C2CD5: variants seen among roughly 807,000 people sequenced by gnomAD.
The protein encoded by C2CD5 is C2 domain-containing protein 5.
In C2CD5, 109 loss-of-function variants were observed where a neutral mutation model predicts 130.3. The ratio of observed to expected loss-of-function variants is 0.84; its 90% confidence interval spans 0.72 to 0.98. The LOEUF (loss-of-function observed/expected upper bound fraction) is 0.98. Among genes scored for constraint, C2CD5 ranks in the 50% least tolerant of loss-of-function variants. The pLI, the probability that C2CD5 is intolerant of heterozygous loss-of-function variation, is 0.00. For missense variants in C2CD5, 996 were observed against 1,261.8 expected, an observed-to-expected ratio of 0.79 and a Z score of 3.19; for synonymous variants, 454 against 429.2, an observed-to-expected ratio of 1.06 and a Z score of -0.71.
At chr12:22,462,989 C>A (rs913389657) in intron 22 of C2CD5, among the ~76,000 whole-genome samples, 1 of 151,736 alleles carries the variant, frequency 6.6e-6, no homozygotes, top group Non-Finnish European at 1.5e-5. Flanking sequence ...GAGGCTGAGG[C>A]GGGAGGATCG....
chr12:22,543,997 G>T, intron 2 of C2CD5, 64 bp downstream of exon 2: 1 of 1,244,322 alleles, frequency 8.0e-7, no homozygotes, highest in South Asian at 1.2e-5. Flanking sequence ...TGGGGGCGAG[G>T]TGGGTAGATC....
intron 7 of C2CD5, among the ~76,000 whole-genome samples, chr12:22,520,106 T>G (rs770501683): frequency 2.0e-5 from 3 of 152,134 alleles, no homozygotes; most frequent in East Asian, 1.9e-4. Context: ...AAGGATTACA[T>G]TGAATGTTGT....
chr12:22,478,029 T>TCACACA (rs376381318), intron 15 of C2CD5: 3 of 309,542 alleles, frequency 9.7e-6, no homozygotes, highest in Non-Finnish European at 1.8e-5. Flanking sequence ...ACACACACAC[T>TCACACA]CACACACACA....
At chr12:22,474,285 C>G (rs1364647835) in intron 16 of C2CD5, among the ~76,000 whole-genome samples, 1 of 152,094 alleles carries the variant, frequency 6.6e-6, no homozygotes, top group African/African-American at 2.4e-5. Context: ...GGGAAAGTTA[C>G]TAAAGTGTTC....
chr12:22,469,361 A>G (rs1942638605), intron 22 of C2CD5, among the ~76,000 whole-genome samples: 1 of 152,128 alleles, frequency 6.6e-6, no homozygotes, highest in Non-Finnish European at 1.5e-5. Flanking sequence ...TGAAGGTTTA[A>G]TTGTTGCTGG....
At chr12:22,519,315 T>C (rs1398346952) in intron 7 of C2CD5, 6 of 1,290,784 alleles carry the variant, frequency 4.6e-6, no homozygotes. Flanking sequence ...GTTAAAATAA[T>C]TTCAAAGGAG....
At chr12:22,513,534 T>TC (rs1949415158) in intron 8 of C2CD5, 155 bp from the exon 9 acceptor site, 4 of 608,110 alleles carry the variant, frequency 6.6e-6, no homozygotes, top group Non-Finnish European at 1.2e-5. Context: ...CATATTTTAC[T>TC]CTACTTTTAT....
chr12:22,484,707 T>C lies in C2CD5; in HGVS notation c.1540A>G (p.Ile514Val). The stretch of plus-strand genomic sequence containing the variant: ...TTTTCACAAACATACCTTGCTTGAA[T>C]AAGACAACCTTTTCCAATAACTGTT... ...DATVIGKGCL[I>V]QARLCRLKKK... is the part of the protein sequence containing the mutation. Residue 514 changes from isoleucine (I) to valine (V), a missense_variant, in exon 13 of 27, where the codon ATT (isoleucine) becomes GTT (valine). By Grantham distance (29) the Ile-to-Val change is conservative. This residue lies in a region of C2CD5 where 590 missense variants were observed against 631.4 expected (regional missense o/e 0.93). Transcript: ENST00000446597. 1 of 1,584,726 alleles carries C rather than the reference T, an allele frequency of 6.3e-7. No individual in the cohort carries two copies. The highest frequency in any genetic ancestry group is 1.2e-5 in the South Asian group (1 of 86,088).
In C2CD5 at chr12:22,470,723, A is replaced by T. The variant is rs796267487; in HGVS notation, c.2446+101T>A. On this transcript the variant is annotated intron_variant, in intron 21 of 26. Coordinates refer to ENST00000446597, the MANE Select transcript of C2CD5 (RefSeq NM_001286176.2). ...CAGAAAAAGCAGCAAATATTCTTCA[A>T]GAAATAAGTAATTTATTGAATCCAC... The T allele has an allele frequency of 6.3e-5, 44 of 697,346 alleles. No individual in the cohort carries two copies. The African/African-American group carries it at 7.7e-4, about 12-fold the overall frequency. 43.2% of individuals were successfully genotyped at this position (697,346 alleles called of 1,614,324 possible).
intron 22 of C2CD5, among the ~76,000 whole-genome samples, chr12:22,463,114 C>CG (rs1941472500): frequency 6.6e-6 from 1 of 151,234 alleles, no homozygotes; most frequent in Non-Finnish European, 1.5e-5. Flanking sequence ...AGGCCAGGTG[C>CG]GGTGGCTCAC....
rs536632906 is a variant in C2CD5, at chr12:22,530,518, C to A, written c.178-2626G>T. ...TGTCACCCAGGCTGGAGTGCAATGG[C>A]GTGATCTCGACTCACTGCAACCTCT... On this transcript the variant is annotated intron_variant, in intron 3 of 26. Transcript: ENST00000446597. Among the ~76,000 whole-genome samples the A allele has an allele frequency of 1.1e-4, 16 of 150,860 alleles. No homozygotes were observed. The South Asian group carries it at 3.1e-3, about 29-fold the overall frequency.
chr12:22,524,366 A>G, intron 6 of C2CD5, 106 bp downstream of exon 6: 1 of 899,232 alleles, frequency 1.1e-6, no homozygotes, highest in Non-Finnish European at 1.7e-6. Context: ...GCAGTCACTT[A>G]TAATTCATAG....
chr12:22,448,893 C>A lies in C2CD5; in HGVS notation c.*867G>T, dbSNP rs1937949867. On this transcript the variant is annotated 3_prime_UTR_variant, in exon 27 of 27. Transcript: ENST00000446597. ...TACAGTCTAACTCACCATCAACAAT[C>A]CCTCAGATATTACTAAAATCCTGTT... is the stretch of plus-strand genomic sequence containing the variant. 6.6e-6 allele frequency: 1 copy of A among 152,510 alleles called. No homozygotes were observed. Among genetic ancestry groups the A allele is most frequent in the Admixed American group, 6.6e-5 (1 of 15,256 alleles). The allele number at this position is 152,510 out of a possible 1,614,324, so 9.4% of individuals were successfully genotyped here. A position where few individuals can be genotyped will look rare whatever the true frequency, so the allele number is the denominator to read the frequency against.
chr12:22,472,925 G>A (rs1451270456), intron 16 of C2CD5, 118 bp from the exon 17 acceptor site: 3 of 640,654 alleles, frequency 4.7e-6, no homozygotes, highest in Non-Finnish European at 8.3e-6. Flanking sequence ...GTAAAAATAT[G>A]TAACAAGAAA....
chr12:22,461,258 G>A (rs1376714321), intron 22 of C2CD5, among the ~76,000 whole-genome samples: 2 of 152,186 alleles, frequency 1.3e-5, no homozygotes, highest in African/African-American at 4.8e-5. Flanking sequence ...GTCTTGTGCA[G>A]TATAGATTTG....
intron 10 of C2CD5, among the ~76,000 whole-genome samples, chr12:22,500,532 CTTT>C (rs544728622): frequency 8.1e-4 from 124 of 152,258 alleles, no homozygotes; most frequent in African/African-American, 2.8e-3. Context: ...AAGCCTTCTT[CTTT>C]AACTCTTTAT....
intron 10 of C2CD5, among the ~76,000 whole-genome samples, chr12:22,497,061 C>G (rs896977089): frequency 3.9e-5 from 6 of 152,072 alleles, no homozygotes; most frequent in Non-Finnish European, 7.4e-5. Flanking sequence ...TCTTATTAAA[C>G]TCAACCTCTT....
chr12:22,457,840 GAAGTT>G (rs1188358337), intron 24 of C2CD5, among the ~76,000 whole-genome samples: 1 of 152,116 alleles, frequency 6.6e-6, no homozygotes, highest in African/African-American at 2.4e-5. Context: ...GAAGGTTAGA[GAAGTT>G]AAGTAACTTG....
At chr12:22,501,759 C>G (rs1017639666) in intron 10 of C2CD5, among the ~76,000 whole-genome samples, 1 of 152,018 alleles carries the variant, frequency 6.6e-6, no homozygotes, top group Non-Finnish European at 1.5e-5. Flanking sequence ...ACATGATGAA[C>G]ATGATTTACT....
Sources: allele counts gnomAD v4.1 joint callset (sites outside exome capture counted in the v4.1 genomes callset), GRCh38; gene constraint gnomAD v4.1.1; regional missense constraint gnomAD v4.1.1; transcripts MANE v1.5; gene names NCBI Gene and HGNC (gene_info 2026-07-23, HGNC 2026-07-21).